Variants in TANC1 observed in about 807,000 individuals in gnomAD.
TANC1 encodes protein TANC1.
In TANC1, 77 loss-of-function variants were observed where a neutral mutation model predicts 149.7. The ratio of observed to expected loss-of-function variants is 0.51; its 90% CI spans 0.43 to 0.62. The LOEUF is 0.62. Among genes scored for constraint, TANC1 ranks in the 20% least tolerant of loss-of-function variants. The pLI is 0.00. For synonymous variants in TANC1, 854 were observed against 925.0 expected, an observed-to-expected ratio of 0.92 and a Z score of 1.39; for missense variants, 1,985 against 2,321.8, an observed-to-expected ratio of 0.85 and a Z score of 2.98.
chr2:159,169,728 C>T (rs2054985260), intron 9 of TANC1, among the ~76,000 whole-genome samples: 2 of 152,114 alleles, frequency 1.3e-5, no homozygotes, highest in African/African-American at 4.8e-5. Context: ...CGCGGTGGCT[C>T]ATGCCTGTAA....
intron 3 of TANC1, among the ~76,000 whole-genome samples, chr2:159,080,276 G>A (rs1219331969): frequency 1.3e-5 from 2 of 152,168 alleles, no homozygotes; most frequent in African/African-American, 4.8e-5. Context: ...CCTCAGGGTG[G>A]TTTCCCTACC....
intron 2 of TANC1, among the ~76,000 whole-genome samples, chr2:159,034,623 A>G (rs759597511): frequency 6.6e-6 from 1 of 152,218 alleles, no homozygotes; most frequent in Non-Finnish European, 1.5e-5. Context: ...TGGAAATGGA[A>G]GCTGAAAGAT....
intron 1 of TANC1, among the ~76,000 whole-genome samples, chr2:158,974,681 C>T (rs1407584978): frequency 1.3e-5 from 2 of 152,262 alleles, no homozygotes; most frequent in East Asian, 3.9e-4. Context: ...GATCCACCTG[C>T]CTCAGCCTCC....
intron 4 of TANC1, among the ~76,000 whole-genome samples, chr2:159,107,483 A>T (rs1004362431): frequency 1.3e-5 from 2 of 152,204 alleles, no homozygotes; most frequent in Non-Finnish European, 2.9e-5. Flanking sequence ...TGACTCTTAC[A>T]TTTAGTCCTG....
In TANC1 at chr2:159,219,377, C is replaced by T; in HGVS notation, c.3502+16C>T. ...CTTTCAAAAGGTAGCAGCGTGATGC[C>T]CTCAAAGGTTTCTTTTGGACGGACA... On this transcript the variant is annotated intron_variant, in intron 21 of 26. Coordinates refer to ENST00000263635, the MANE Select transcript of TANC1 (RefSeq NM_033394.3). 1 of 1,613,780 alleles carries T rather than the reference C, an allele frequency of 6.2e-7. No individual in the cohort carries two copies. The highest frequency in any genetic ancestry group is 8.5e-7 in the Non-Finnish European group (1 of 1,179,830).
At chr2:158,985,472 A>C (rs939666301) in intron 1 of TANC1, among the ~76,000 whole-genome samples, 2 of 152,236 alleles carry the variant, frequency 1.3e-5, no homozygotes. Flanking sequence ...TCTGCAGGGC[A>C]TGGCTGAACA....
At chr2:159,058,452 C>CA (rs2042009060) in intron 2 of TANC1, among the ~76,000 whole-genome samples, 1 of 91,280 alleles carries the variant, frequency 1.1e-5, no homozygotes, top group Non-Finnish European at 2.5e-5. Context: ...CCCTGCCACT[C>CA]ATTTAAAGAC....
chr2:159,144,468 T>TGGGTTCA (rs1313853010), intron 5 of TANC1, among the ~76,000 whole-genome samples: 3 of 152,224 alleles, frequency 2.0e-5, no homozygotes, highest in Non-Finnish European at 4.4e-5. Flanking sequence ...CTCCGCCTCC[T>TGGGTTCA]GGGTTCAGGT....
rs746641346 is a variant in TANC1, at chr2:159,219,259, C to T, written c.3400C>T (p.Arg1134Cys). 5.0e-6 allele frequency: 8 copies of T among 1,614,042 alleles called. No homozygotes were observed. The African/African-American group carries it at 6.7e-5, about 13-fold the overall frequency. Residue 1134 changes from arginine (R) to cysteine (C), a missense_variant, in exon 21 of 27, where the codon CGC (arginine) becomes TGC (cysteine). Arg to Cys is a radical substitution (Grantham distance 180). This residue lies in a region of TANC1 where 920 missense variants were observed against 994.7 expected (regional missense o/e 0.92). Transcript: ENST00000263635. Reference protein sequence around the residue: ...HWQIVRLLLERGCDVNLSDKQ... With the variant: ...HWQIVRLLLECGCDVNLSDKQ... ...CCAGATTGTTAGACTGCTGTTGGAA[C>T]GCGGCTGTGATGTGAACCTAAGTGA...
chr2:159,205,958 G>A (rs1420257072), intron 19 of TANC1, among the ~76,000 whole-genome samples: 2 of 152,184 alleles, frequency 1.3e-5, no homozygotes, highest in Non-Finnish European at 2.9e-5. Context: ...ATTTTTCAGA[G>A]GTCCTGAGCA....
chr2:159,136,803 A>AAC (rs2050803743), intron 5 of TANC1, among the ~76,000 whole-genome samples: 1 of 152,000 alleles, frequency 6.6e-6, no homozygotes, highest in Non-Finnish European at 1.5e-5. Context: ...AAAAAAAAAA[A>AAC]AAAACCAAAT....
chr2:159,187,069 G>A lies in TANC1; in HGVS notation c.2742+45G>A, dbSNP rs370831229. 1.2e-4 allele frequency: 195 copies of A among 1,605,538 alleles called. 1 individual carries two copies. The highest frequency in any genetic ancestry group is 1.0e-3 in the Middle Eastern group (6 of 6,016). On this transcript the variant is annotated intron_variant, in intron 16 of 26. Coordinates refer to ENST00000263635, the MANE Select transcript of TANC1 (RefSeq NM_033394.3). Reference sequence around the variant, plus strand: ...GAGAGCCGGAGACCCAGCCCTGGCCGGCTGCTGGCCGTTCCTCCAACAGCC... The same window carrying A: ...GAGAGCCGGAGACCCAGCCCTGGCCAGCTGCTGGCCGTTCCTCCAACAGCC...
rs769790391 is a variant in TANC1 at position 159,186,831 on chromosome 2, G to C, written c.2620-71G>C. 3.7e-6 allele frequency: 6 copies of C among 1,601,034 alleles called. No homozygotes were observed. The South Asian group carries it at 6.8e-5, about 18-fold the overall frequency. ...GCAGACCCACTTTCAGAGTGACCCT[G>C]CAGGTGGGAAGGAGATGCTCAGGCA... On this transcript the variant is annotated intron_variant, in intron 15 of 26. Coordinates refer to ENST00000263635, the MANE Select transcript of TANC1 (RefSeq NM_033394.3).
intron 16 of TANC1, among the ~76,000 whole-genome samples, chr2:159,189,743 G>GT (rs921107887): frequency 2.0e-5 from 3 of 152,118 alleles, no homozygotes; most frequent in Admixed American, 6.5e-5. Context: ...CACTTGATGT[G>GT]TTTACAGCCC....
intron 2 of TANC1, among the ~76,000 whole-genome samples, chr2:159,022,744 A>G (rs1269791281): frequency 1.3e-5 from 2 of 152,170 alleles, no homozygotes; most frequent in Admixed American, 1.3e-4. Context: ...TTTTTGAAAA[A>G]TAACATAAAA....
At chr2:159,144,501 G>C (rs2051826185) in intron 5 of TANC1, among the ~76,000 whole-genome samples, 1 of 152,102 alleles carries the variant, frequency 6.6e-6, no homozygotes, top group Non-Finnish European at 1.5e-5. Context: ...TCAACCTCTG[G>C]AGTAGCTGGG....
In TANC1 at chr2:159,150,534, A is replaced by G; in HGVS notation, c.660A>G (p.Glu220=). 2.5e-6 allele frequency: 4 copies of G among 1,613,954 alleles called. No homozygotes were observed. The highest frequency in any genetic ancestry group is 2.2e-5 in the East Asian group (1 of 44,880). The change falls in exon 7 of 27, where the codon GAA becomes GAG. Residue 220 remains glutamate, a synonymous_variant. Transcript: ENST00000263635. ...ETISSPSSTL[E]SKDSGIIATI... is the part of the protein sequence containing the mutation. ...TTAGCAGCCCTAGTTCCACCCTGGA[A>G]AGCAAGGACAGTGGAATTATAGGTA...
chr2:159,034,834 G>C (rs1032774071), intron 2 of TANC1, among the ~76,000 whole-genome samples: 18 of 152,212 alleles, frequency 1.2e-4, no homozygotes, highest in Non-Finnish European at 2.1e-4. Flanking sequence ...CTGTGCTGTG[G>C]TTGAGTGTGA....
intron 5 of TANC1, among the ~76,000 whole-genome samples, chr2:159,136,788 CAA>C (rs34488237): frequency 0.27 from 31,849 of 119,116 alleles, 2,782 homozygotes; most frequent in East Asian, 0.4. Context: ...GAAGTAGGAG[CAA>C]AAAAAAAAAA....
Sources: gnomAD v4.1 joint callset for allele counts (sites outside exome capture counted in the v4.1 genomes callset) on GRCh38, gnomAD v4.1.1 for gene constraint, gnomAD v4.1.1 regional missense constraint, MANE v1.5 for transcripts, NCBI Gene and HGNC (gene_info 2026-07-23, HGNC 2026-07-21) for gene names.